Variants in ZNF589 observed in about 807,000 individuals in gnomAD.
ZNF589 encodes KRAB-zinc finger protein SZF1-1.
Under a neutral mutation model 13.6 loss-of-function variants are expected in ZNF589, and 17 were observed. The ratio of observed to expected loss-of-function variants is 1.25; its 90% CI spans 0.86 to 1.88. The LOEUF (loss-of-function observed/expected upper bound fraction) is 1.88. Ranked by LOEUF, ZNF589 falls within the 40% of genes most tolerant of loss-of-function variation. The pLI, the probability that ZNF589 is intolerant of heterozygous loss-of-function variation, is 0.00. For synonymous variants in ZNF589, 148 were observed against 161.6 expected (o/e 0.92, Z 0.64); for missense variants, 407 against 434.0 (o/e 0.94, Z 0.55).
intron 1 of ZNF589, among the ~76,000 whole-genome samples, chr3:48,243,228 C>T (rs2033717188): frequency 1.3e-5 from 2 of 152,072 alleles, no homozygotes; most frequent in Non-Finnish European, 2.9e-5. Context: ...GCTAGGATCA[C>T]TTGAGCCCAG....
chr3:48,254,196 C>T (rs926735197), intron 2 of ZNF589, among the ~76,000 whole-genome samples: 1 of 152,030 alleles, frequency 6.6e-6, no homozygotes, highest in Non-Finnish European at 1.5e-5. Flanking sequence ...GTGGAGGTTG[C>T]GGTGAGCTGA....
intron 1 of ZNF589, 94 bp downstream of exon 1, chr3:48,241,308 G>C: frequency 6.7e-7 from 1 of 1,498,508 alleles, no homozygotes; most frequent in Non-Finnish European, 9.0e-7. Context: ...ATGCGCGTGG[G>C]GTGCGAGCTG....
At chr3:48,252,453 A>G (rs2033849424) in intron 2 of ZNF589, among the ~76,000 whole-genome samples, 1 of 151,458 alleles carries the variant, frequency 6.6e-6, no homozygotes, top group Non-Finnish European at 1.5e-5. Context: ...GGCCTCCCAA[A>G]GTGCTGGGAT....
At chr3:48,242,606 G>T (rs2033711078) in intron 1 of ZNF589, among the ~76,000 whole-genome samples, 1 of 152,058 alleles carries the variant, frequency 6.6e-6, no homozygotes, top group African/African-American at 2.4e-5. Context: ...ACCTGGTCTT[G>T]CAAACGTTTT....
intron 2 of ZNF589, among the ~76,000 whole-genome samples, chr3:48,249,171 C>T (rs966955596): frequency 1.1e-4 from 16 of 150,874 alleles, no homozygotes; most frequent in African/African-American, 3.4e-4. Context: ...GGCATGATCT[C>T]GGCTCACTGC....
In ZNF589 at chr3:48,269,009, G is replaced by T; in HGVS notation, c.*223G>T. ...CAAATCACATCGGAGAACACACTCA[G>T]GGGAGAAGCCTTATGTGTGTGGGGA... On this transcript the variant is annotated 3_prime_UTR_variant, in exon 4 of 4. Transcript: ENST00000354698. 1 of 730,318 alleles carries T rather than the reference G, an allele frequency of 1.4e-6. No individual in the cohort carries two copies. Among genetic ancestry groups the T allele is most frequent in the Non-Finnish European group, 2.3e-6 (1 of 437,264 alleles). 45.2% of individuals were successfully genotyped at this position (730,318 alleles called of 1,614,324 possible). A position where few individuals can be genotyped will look rare whatever the true frequency, so the allele number is the denominator to read the frequency against.
At chr3:48,261,084 T>C (rs2033965823) in intron 3 of ZNF589, 145 bp downstream of exon 3, 1 of 899,390 alleles carries the variant, frequency 1.1e-6, no homozygotes, top group South Asian at 1.8e-5. Context: ...TATATTCTAG[T>C]ATAGGTAGAC....
intron 3 of ZNF589, among the ~76,000 whole-genome samples, chr3:48,264,550 C>T (rs149502526): frequency 0.018 from 2,701 of 151,444 alleles, 40 homozygotes; most frequent in Middle Eastern, 0.042. Context: ...ATAAAAAGGC[C>T]GGGCGCGGTG....
chr3:48,264,780 G>A (rs892553624), intron 3 of ZNF589, among the ~76,000 whole-genome samples: 4 of 151,942 alleles, frequency 2.6e-5, no homozygotes, highest in African/African-American at 4.8e-5. Context: ...AGTGAGCCAG[G>A]ATCACGCCAC....
At chr3:48,263,387 G>A (rs1329875772) in intron 3 of ZNF589, among the ~76,000 whole-genome samples, 2 of 152,296 alleles carry the variant, frequency 1.3e-5, no homozygotes, top group Non-Finnish European at 2.9e-5. Context: ...TGGGATTACC[G>A]GCGTGAGCCG....
At position 48,268,143 on chromosome 3, in the gene ZNF589, T is replaced by C. The variant is rs1273878326; in HGVS notation, c.452T>C (p.Val151Ala). 1 of 1,613,896 alleles carries C rather than the reference T, an allele frequency of 6.2e-7. No homozygotes were observed. Among genetic ancestry groups the C allele is most frequent in the African/African-American group, 1.3e-5 (1 of 74,908 alleles). The stretch of plus-strand genomic sequence containing the variant: ...GAAGATCAACGAGTGGAAGGAGGCG[T>C]CAGACCCTTGTTTTGGAGTACAAAT... The part of the protein sequence containing the change: ...EAEDQRVEGG[V>A]RPLFWSTNER... Residue 151 changes from valine (V) to alanine (A), a missense_variant, in exon 4 of 4, where the codon GTC becomes GCC. Val to Ala is a moderately conservative substitution (Grantham distance 64). Coordinates refer to ENST00000354698, the MANE Select transcript of ZNF589 (RefSeq NM_016089.3).
rs1559984510 is a variant in ZNF589 at position 48,269,771 on chromosome 3, C to T, written c.*985C>T. The T allele has an allele frequency of 1.2e-5, 4 of 341,030 alleles. No individual in the cohort carries two copies. The highest frequency in any genetic ancestry group is 2.3e-5 in the Non-Finnish European group (4 of 173,246). 21.1% of individuals were successfully genotyped at this position (341,030 alleles called of 1,614,324 possible). A position where few individuals can be genotyped will look rare whatever the true frequency, so the allele number is the denominator to read the frequency against. On this transcript the variant is annotated 3_prime_UTR_variant, in exon 4 of 4. Coordinates refer to ENST00000354698, the MANE Select transcript of ZNF589 (RefSeq NM_016089.3). ...ACCAGCGGAAATGCTTAGGGAGAAGCCTTGTTTGTAAGGTAATGTGGACAG... is the reference window on the plus strand; with the variant it reads ...ACCAGCGGAAATGCTTAGGGAGAAGTCTTGTTTGTAAGGTAATGTGGACAG...
Position 48,268,596 on chromosome 3 carries a change from A to G in ZNF589, c.905A>G (p.Lys302Arg), listed in dbSNP as rs1447869064. 6.2e-7 allele frequency: 1 copy of G among 1,613,878 alleles called. No individual in the cohort carries two copies. The highest frequency in any genetic ancestry group is 1.7e-5 in the Admixed American group (1 of 59,996). Reference sequence around the variant, plus strand: ...CACCTGAGTACACACTCCGGGGAGAAACCTTATGTGTGCAGCCATTGTGGG... The same window carrying G: ...CACCTGAGTACACACTCCGGGGAGAGACCTTATGTGTGCAGCCATTGTGGG... Reference protein sequence around the residue: ...RNHLSTHSGEKPYVCSHCGRG... With the variant: ...RNHLSTHSGERPYVCSHCGRG... The change falls in exon 4 of 4, where the codon AAA becomes AGA. Residue 302 changes from lysine to arginine, a missense_variant. By Grantham distance (26) the Lys-to-Arg change is conservative (BLOSUM62 2). Transcript: ENST00000354698.
intron 3 of ZNF589, among the ~76,000 whole-genome samples, chr3:48,264,600 G>A (rs571634213): frequency 1.3e-5 from 2 of 151,596 alleles, no homozygotes; most frequent in Admixed American, 6.6e-5. Context: ...AGGCTGAGGC[G>A]GGTGGATTGC....
At chr3:48,255,487 CTTTTTTTT>C (rs1230659894) in intron 2 of ZNF589, among the ~76,000 whole-genome samples, 36 of 82,758 alleles carry the variant, frequency 4.4e-4, no homozygotes, top group African/African-American at 1.8e-3. Context: ...AGAGTTTTTA[CTTTTTTTT>C]TTTTTTTTTT....
intron 2 of ZNF589, among the ~76,000 whole-genome samples, chr3:48,250,267 T>C (rs1470618374): frequency 2.7e-5 from 4 of 150,260 alleles, no homozygotes; most frequent in Admixed American, 1.3e-4. Flanking sequence ...TCCCCTCTCC[T>C]CTCCAACCTC....
intron 2 of ZNF589, among the ~76,000 whole-genome samples, chr3:48,259,778 G>GT (rs1001498536): frequency 6.6e-6 from 1 of 152,114 alleles, no homozygotes; most frequent in Non-Finnish European, 1.5e-5. Flanking sequence ...AATTAGCCAG[G>GT]TGTGGTGGTA....
chr3:48,252,660 C>T (rs1313684329), intron 2 of ZNF589, among the ~76,000 whole-genome samples: 1 of 121,428 alleles, frequency 8.2e-6, no homozygotes, highest in South Asian at 2.5e-4. Context: ...GTCTCGCTGT[C>T]GCCCAGGCTG....
In ZNF589 at chr3:48,269,420, A is replaced by T; in HGVS notation, c.*634A>T. 2.1e-6 allele frequency: 1 copy of T among 483,448 alleles called. No homozygotes were observed. Among genetic ancestry groups the T allele is most frequent in the South Asian group, 2.0e-5 (1 of 50,154 alleles). The allele number at this position is 483,448 out of a possible 1,614,324, so 29.9% of individuals were successfully genotyped here. A position where few individuals can be genotyped will look rare whatever the true frequency, so the allele number is the denominator to read the frequency against. On this transcript the variant is annotated 3_prime_UTR_variant, in exon 4 of 4. Coordinates refer to ENST00000354698, the MANE Select transcript of ZNF589 (RefSeq NM_016089.3). ...ATCAACTCTCCTCGCACACGAGCAG[A>T]CACATTCAGGGGAGAAGCCTTATGT...
Sources: allele counts gnomAD v4.1 joint callset (sites outside exome capture counted in the v4.1 genomes callset), GRCh38; gene constraint gnomAD v4.1.1; transcripts MANE v1.5; gene names NCBI Gene and HGNC (gene_info 2026-07-23, HGNC 2026-07-21).